ROCK1: variants seen among roughly 807,000 people sequenced by gnomAD.
ROCK1 encodes rho-associated protein kinase 1.
In ROCK1, 36 loss-of-function variants were observed where a neutral mutation model predicts 196.8. That is an observed-to-expected ratio of 0.18 (90% CI 0.14 to 0.24). The LOEUF is 0.24. Among genes scored for constraint, ROCK1 ranks in the 10% least tolerant of loss-of-function variants. The probability of loss-of-function intolerance (pLI) is 1.00; values close to 1 mark genes in which losing one functional copy is unlikely to be tolerated. For synonymous variants in ROCK1, 443 were observed against 515.9 expected, an observed-to-expected ratio of 0.86 and a Z score of 1.91; for missense variants, 920 against 1,562.0, an observed-to-expected ratio of 0.59 and a Z score of 6.93.
At chr18:21,000,277 T>C (rs1180279297) in intron 16 of ROCK1, among the ~76,000 whole-genome samples, 1 of 152,130 alleles carries the variant, frequency 6.6e-6, no homozygotes, top group Admixed American at 6.5e-5. Context: ...TTTTTTTTTT[T>C]TGGAGACAGG....
chr18:21,008,284 G>GAA (rs958448101), intron 13 of ROCK1, 90 bp from the exon 14 acceptor site: 128 of 718,266 alleles, frequency 1.8e-4, no homozygotes, highest in South Asian at 2.6e-4. Flanking sequence ...CAAAAAACAA[G>GAA]AAAAAAAAAA....
intron 2 of ROCK1, among the ~76,000 whole-genome samples, chr18:21,061,343 G>T (rs970254920): frequency 6.6e-6 from 1 of 152,026 alleles, no homozygotes; most frequent in Non-Finnish European, 1.5e-5. Flanking sequence ...GCCTCCCAAG[G>T]TGCTGGGCTT....
intron 22 of ROCK1, among the ~76,000 whole-genome samples, chr18:20,976,001 G>A (rs1301259197): frequency 6.6e-6 from 1 of 152,140 alleles, no homozygotes; most frequent in Non-Finnish European, 1.5e-5. Context: ...CTCTTACACT[G>A]TTGGTAGCTT....
chr18:21,047,398 C>A (rs574492608), intron 4 of ROCK1, among the ~76,000 whole-genome samples: 1 of 152,224 alleles, frequency 6.6e-6, no homozygotes, highest in African/African-American at 2.4e-5. Flanking sequence ...TAAAGGATAG[C>A]CCCCAACAAC....
chr18:21,107,703 A>C (rs985080267), intron 1 of ROCK1, among the ~76,000 whole-genome samples: 1 of 152,242 alleles, frequency 6.6e-6, no homozygotes, highest in Non-Finnish European at 1.5e-5. Flanking sequence ...CATCATGCGA[A>C]GAAAATTCAT....
At chr18:21,084,889 T>C (rs2036513352) in intron 1 of ROCK1, among the ~76,000 whole-genome samples, 1 of 152,232 alleles carries the variant, frequency 6.6e-6, no homozygotes, top group Non-Finnish European at 1.5e-5. Context: ...AAAGGTGGTA[T>C]GTACATACAC....
chr18:20,990,693 C>CA (rs1170099682), intron 18 of ROCK1, among the ~76,000 whole-genome samples: 3,019 of 22,420 alleles, frequency 0.13, 385 homozygotes, highest in Non-Finnish European at 0.2. Flanking sequence ...AACTTCGTCT[C>CA]AAAAAAAAAA....
At chr18:20,968,018 C>T in intron 25 of ROCK1, 78 bp from the exon 26 acceptor site, 10 of 1,217,658 alleles carry the variant, frequency 8.2e-6, no homozygotes, top group Non-Finnish European at 1.1e-5. Flanking sequence ...TCTTCAAAAT[C>T]AGGAAGCAGG....
chr18:21,045,392 A>G lies in ROCK1; in HGVS notation c.490T>C (p.Leu164=). The change falls in exon 5 of 33, where the codon TTA becomes CTA. Residue 164 remains leucine (L), a synonymous_variant. Coordinates refer to ENST00000399799, the MANE Select transcript of ROCK1 (RefSeq NM_005406.3). ...EYMPGGDLVN[L]MSNYDVPEKW... is the part of the protein sequence containing the mutation. ...TCAGGCACATCATAGTTGCTCATTAAGTTTACAAGATCTCCACCAGGCATG... is the reference window on the plus strand; with the variant it reads ...TCAGGCACATCATAGTTGCTCATTAGGTTTACAAGATCTCCACCAGGCATG... The G allele has an allele frequency of 6.2e-7, 1 of 1,613,676 alleles. No homozygotes were observed. Among genetic ancestry groups the G allele is most frequent in the Non-Finnish European group, 8.5e-7 (1 of 1,179,894 alleles).
chr18:21,023,302 T>C (rs1170623462), intron 11 of ROCK1, among the ~76,000 whole-genome samples: 2 of 152,190 alleles, frequency 1.3e-5, no homozygotes, highest in African/African-American at 2.4e-5. Flanking sequence ...ATTTTGAACA[T>C]GTAATCTGTT....
intron 12 of ROCK1, 64 bp downstream of exon 12, chr18:21,020,087 A>C: frequency 2.2e-6 from 2 of 929,694 alleles, no homozygotes; most frequent in African/African-American, 1.7e-5. Flanking sequence ...ACAGGGTATA[A>C]GCTTTCAAGT....
In ROCK1 at chr18:21,045,323, C is replaced by T; in HGVS notation, c.559G>A (p.Asp187Asn). ...FYTAEVVLAL[D>N]AIHSMGFIHR... is the part of the protein sequence containing the mutation. ...ATAAAACCCATGGAATGGATTGCATCCAATGCAAGAACTACTTCTGCAGTA... is the reference window on the plus strand; with the variant it reads ...ATAAAACCCATGGAATGGATTGCATTCAATGCAAGAACTACTTCTGCAGTA... Residue 187 changes from aspartate (D) to asparagine (N), a missense_variant, in exon 5 of 33, where the codon GAT becomes AAT. Transcript: ENST00000399799. The T allele has an allele frequency of 6.2e-7, 1 of 1,610,592 alleles. No individual in the cohort carries two copies. The highest frequency in any genetic ancestry group is 8.5e-7 in the Non-Finnish European group (1 of 1,179,024).
intron 2 of ROCK1, among the ~76,000 whole-genome samples, chr18:21,065,898 T>C (rs1473390382): frequency 6.6e-6 from 1 of 152,046 alleles, no homozygotes; most frequent in Non-Finnish European, 1.5e-5. Context: ...AGATAAAAAT[T>C]AACAGGTTGC....
At chr18:21,068,107 TTTGTG>T (rs2036352834) in intron 2 of ROCK1, among the ~76,000 whole-genome samples, 2 of 152,180 alleles carry the variant, frequency 1.3e-5, no homozygotes, top group Admixed American at 6.5e-5. Flanking sequence ...TCAAAAATGG[TTTGTG>T]TTATTTGTGT....
At chr18:20,959,073 AT>A (rs2035288397) in intron 29 of ROCK1, among the ~76,000 whole-genome samples, 1 of 46,208 alleles carries the variant, frequency 2.2e-5, no homozygotes, top group African/African-American at 1.2e-4. Flanking sequence ...TTTATATTAT[AT>A]AATATATATA....
intron 27 of ROCK1, chr18:20,960,672 G>C (rs2035318710): frequency 6.6e-6 from 1 of 152,358 alleles, no homozygotes; most frequent in Admixed American, 6.6e-5. Context: ...CAGAAGACAA[G>C]AATAGAAGAT....
chr18:21,053,879 T>C (rs2036225204), intron 2 of ROCK1, among the ~76,000 whole-genome samples: 1 of 152,190 alleles, frequency 6.6e-6, no homozygotes, highest in Non-Finnish European at 1.5e-5. Flanking sequence ...TCTTCTTGCT[T>C]TGACACATGC....
intron 16 of ROCK1, among the ~76,000 whole-genome samples, chr18:21,005,713 C>G (rs1341876039): frequency 6.6e-6 from 1 of 152,000 alleles, no homozygotes; most frequent in Non-Finnish European, 1.5e-5. Context: ...CCCGTCTCTA[C>G]AAAAAATGCA....
At chr18:20,994,258 A>T (rs2035651757) in intron 16 of ROCK1, among the ~76,000 whole-genome samples, 2 of 152,240 alleles carry the variant, frequency 1.3e-5, no homozygotes, top group South Asian at 4.1e-4. Context: ...TTGTGTGGAC[A>T]GAGATAAAGC....
Sources: gnomAD v4.1 joint callset for allele counts (sites outside exome capture counted in the v4.1 genomes callset) on GRCh38, gnomAD v4.1.1 for gene constraint, MANE v1.5 for transcripts, NCBI Gene and HGNC (gene_info 2026-07-23, HGNC 2026-07-21) for gene names.